The following LYPD1 variants were observed in gnomAD, a reference collection of about 807,000 sequenced individuals.
The protein encoded by LYPD1 is ly6/PLAUR domain-containing protein 1.
In LYPD1, 14 loss-of-function variants were observed where a neutral mutation model predicts 14.2. The ratio of observed to expected loss-of-function variants is 0.99; its 90% CI spans 0.65 to 1.54. LYPD1 has a LOEUF of 1.54. Ranked by LOEUF, LYPD1 falls within the 40% of genes most tolerant of loss-of-function variation. The pLI is 0.00. For synonymous variants in LYPD1, 85 were observed against 70.6 expected (o/e 1.20, Z -1.02); for missense variants, 165 against 175.7 (o/e 0.94, Z 0.34).
In LYPD1 at chr2:132,645,752, C is replaced by T. The variant is rs559125511; in HGVS notation, c.*293G>A. 10 of 1,137,606 alleles carry T rather than the reference C, an allele frequency of 8.8e-6. No individual in the cohort carries two copies. The highest frequency in any genetic ancestry group is 1.2e-5 in the Non-Finnish European group (10 of 821,542). The allele number at this position is 1,137,606 out of a possible 1,614,324, so 70.5% of individuals were successfully genotyped here. A position where few individuals can be genotyped will look rare whatever the true frequency, so the allele number is the denominator to read the frequency against. On this transcript the variant is annotated 3_prime_UTR_variant, in exon 3 of 3. Coordinates refer to ENST00000397463, the MANE Select transcript of LYPD1 (RefSeq NM_144586.7). ...AAAAGGCAGATGCCCACCTCAGTGA[C>T]TTCTAAGGACTGACTCTGCCAGCCT... is the stretch of plus-strand genomic sequence containing the variant.
At chr2:132,652,303 T>C (rs1020045367) in intron 2 of LYPD1, among the ~76,000 whole-genome samples, 1 of 151,922 alleles carries the variant, frequency 6.6e-6, no homozygotes, top group African/African-American at 2.4e-5. Flanking sequence ...AATGAATGAA[T>C]AAATGAAGGG....
chr2:132,663,897 T>G (rs1683113125), intron 2 of LYPD1, among the ~76,000 whole-genome samples: 1 of 152,166 alleles, frequency 6.6e-6, no homozygotes. Flanking sequence ...GCCTACAACA[T>G]AGCATGGATT....
chr2:132,646,978 A>AG (rs1682129770), intron 2 of LYPD1, among the ~76,000 whole-genome samples: 1 of 152,222 alleles, frequency 6.6e-6, no homozygotes, highest in Non-Finnish European at 1.5e-5. Flanking sequence ...CAAGAAGACT[A>AG]GGGGGCCTGT....
chr2:132,670,807 T>TG (rs1462663125), upstream of LYPD1, among the ~76,000 whole-genome samples: 1 of 151,960 alleles, frequency 6.6e-6, no homozygotes, highest in South Asian at 2.1e-4. This position sits in a 1 kb window ranked among gnomAD's most constrained non-coding sequence, Gnocchi z 4.5. Flanking sequence ...CCAATCTGGG[T>TG]GGGGGTGTGG....
intron 2 of LYPD1, among the ~76,000 whole-genome samples, chr2:132,656,457 G>A (rs956916912): frequency 6.6e-6 from 1 of 152,144 alleles, no homozygotes; most frequent in Non-Finnish European, 1.5e-5. Context: ...TAATTGGAAT[G>A]AACTACAAGC....
At chr2:132,652,612 C>T (rs1682399575) in intron 2 of LYPD1, among the ~76,000 whole-genome samples, 1 of 152,202 alleles carries the variant, frequency 6.6e-6, no homozygotes, top group African/African-American at 2.4e-5. Flanking sequence ...AGCCGCCCTA[C>T]CCTGCAGAGG....
At chr2:132,660,117 C>A (rs1296121082) in intron 2 of LYPD1, among the ~76,000 whole-genome samples, 1 of 152,230 alleles carries the variant, frequency 6.6e-6, no homozygotes, top group Non-Finnish European at 1.5e-5. Flanking sequence ...ACTGTGCTCA[C>A]AAAGAAGTCC....
At position 132,645,291 on chromosome 2, in the gene LYPD1, G is replaced by A; in HGVS notation, c.*754C>T. On this transcript the variant is annotated 3_prime_UTR_variant, in exon 3 of 3. Coordinates refer to ENST00000397463, the MANE Select transcript of LYPD1 (RefSeq NM_144586.7). Reference sequence around the variant, plus strand: ...CGCTCCTGTACACGGTGTCCTCGCAGCAGTTTCGGCGGGTGTTCGTGCAGG... The same window carrying A: ...CGCTCCTGTACACGGTGTCCTCGCAACAGTTTCGGCGGGTGTTCGTGCAGG... 1 of 1,614,198 alleles carries A rather than the reference G, an allele frequency of 6.2e-7. No individual in the cohort carries two copies.
At chr2:132,646,514 CAATACCTGTG>C (rs960934890) in intron 2 of LYPD1, 26 of 390,794 alleles carry the variant, frequency 6.7e-5, no homozygotes, top group Middle Eastern at 1.3e-3. Context: ...TTTGAGATGC[CAATACCTGTG>C]AATACCTGTT....
Position 132,645,053 on chromosome 2 carries a change from C to CT in LYPD1, c.*991dup, listed in dbSNP as rs767345408. 4 of 1,565,488 alleles carry CT rather than the reference C, an allele frequency of 2.6e-6. No individual in the cohort carries two copies. Among genetic ancestry groups the CT allele is most frequent in the Non-Finnish European group, 3.5e-6 (4 of 1,153,022 alleles). On this transcript the variant is annotated 3_prime_UTR_variant, in exon 3 of 3. Transcript: ENST00000397463. ...TTTATTCATTTACTGTGTTCTCATG[C>CT]TGTGTTTTTCTTTTCTCTGTCTCTC...
rs774089164 is a variant in LYPD1 at position 132,668,361 on chromosome 2, C to T, written c.190+39G>A. ...GCCCCCTCACTCCCACCCCACAGCC[C>T]AGGCTTAAGAGCGAGGGGGAGGGCT... On this transcript the variant is annotated intron_variant, in intron 2 of 2. Transcript: ENST00000397463. 1.6e-5 allele frequency: 25 copies of T among 1,574,818 alleles called. No individual in the cohort carries two copies. In the Admixed American group the frequency reaches 4.4e-4, roughly 28 times the overall value.
Position 132,669,730 on chromosome 2 carries a change from C to G in LYPD1, c.52+151G>C. On this transcript the variant is annotated intron_variant, in intron 1 of 2. Coordinates refer to ENST00000397463, the MANE Select transcript of LYPD1 (RefSeq NM_144586.7). The surrounding 1 kb of genome is among the most constrained non-coding windows in gnomAD (Gnocchi z 4.3). ...GGACTTGGACACTTTCCCAGCCTCG[C>G]GCCCCGGGGCACCAGTCGCGGCCGC... 2 of 1,425,872 alleles carry G rather than the reference C, an allele frequency of 1.4e-6. No homozygotes were observed. Among genetic ancestry groups the G allele is most frequent in the Non-Finnish European group, 1.8e-6 (2 of 1,088,682 alleles). 88.3% of individuals were successfully genotyped at this position (1,425,872 alleles called of 1,614,324 possible).
At chr2:132,662,655 A>AT (rs1027989290) in intron 2 of LYPD1, among the ~76,000 whole-genome samples, 9 of 152,162 alleles carry the variant, frequency 5.9e-5, no homozygotes, top group Non-Finnish European at 1.2e-4. Flanking sequence ...TAGATTCAGA[A>AT]TTTTTGTTTC....
intron 2 of LYPD1, among the ~76,000 whole-genome samples, chr2:132,652,300 G>T (rs1682389978): frequency 6.6e-6 from 1 of 152,152 alleles, no homozygotes; most frequent in African/African-American, 2.4e-5. Context: ...AGGAATGAAT[G>T]AATAAATGAA....
chr2:132,670,520 G>A (rs74937389), upstream of LYPD1, among the ~76,000 whole-genome samples: 4,023 of 152,218 alleles, frequency 0.026, 184 homozygotes, highest in African/African-American at 0.091. This position sits in a 1 kb window ranked among gnomAD's most constrained non-coding sequence, Gnocchi z 4.5. Flanking sequence ...CTGCGTGCCC[G>A]GCTGGCCCTT....
At chr2:132,652,272 G>A (rs1020310365) in intron 2 of LYPD1, among the ~76,000 whole-genome samples, 5 of 152,050 alleles carry the variant, frequency 3.3e-5, no homozygotes, top group African/African-American at 9.7e-5. Context: ...GGCACATAAC[G>A]ACACAAGTAT....
In LYPD1 at chr2:132,644,971, A is replaced by G. The variant is rs1681974381; in HGVS notation, c.*1074T>C. On this transcript the variant is annotated 3_prime_UTR_variant, in exon 3 of 3. Coordinates refer to ENST00000397463, the MANE Select transcript of LYPD1 (RefSeq NM_144586.7). Reference sequence around the variant, plus strand: ...AAGCTGTCAAGTCCAACACTGAAAAATTGGTACCATTTCCTGGCCAGTAAG... The same window carrying G: ...AAGCTGTCAAGTCCAACACTGAAAAGTTGGTACCATTTCCTGGCCAGTAAG... 3 of 1,048,088 alleles carry G rather than the reference A, an allele frequency of 2.9e-6. No individual in the cohort carries two copies. The East Asian group carries it at 7.8e-5, about 27-fold the overall frequency. 64.9% of individuals were successfully genotyped at this position (1,048,088 alleles called of 1,614,324 possible).
At position 132,644,899 on chromosome 2, in the gene LYPD1, C is replaced by T. The variant is rs755631699; in HGVS notation, c.*1146G>A. The T allele has an allele frequency of 7.1e-4, 426 of 596,954 alleles. 2 individuals carry two copies. Among genetic ancestry groups the T allele is most frequent in the Non-Finnish European group, 5.3e-4 (183 of 343,828 alleles). 37.0% of individuals were successfully genotyped at this position (596,954 alleles called of 1,614,324 possible). On this transcript the variant is annotated 3_prime_UTR_variant, in exon 3 of 3. Coordinates refer to ENST00000397463, the MANE Select transcript of LYPD1 (RefSeq NM_144586.7). The stretch of plus-strand genomic sequence containing the variant: ...GGTCTTTCTTTAACACAGCCAACTC[C>T]CCCGGGTTTGAAACAGTGTTAAATT...
At chr2:132,670,638 G>A (rs112775610), upstream of LYPD1, among the ~76,000 whole-genome samples, 19 of 152,120 alleles carry the variant, frequency 1.2e-4, no homozygotes, top group Admixed American at 3.9e-4. The surrounding 1 kb of genome is among the most constrained non-coding windows in gnomAD (Gnocchi z 4.5). Flanking sequence ...GTCCCGCTGC[G>A]GGCCGCGGGA....
Sources: gnomAD v4.1 joint callset for allele counts (sites outside exome capture counted in the v4.1 genomes callset) on GRCh38, gnomAD v4.1.1 for gene constraint, Gnocchi (gnomAD v3.1) non-coding constraint, MANE v1.5 for transcripts, NCBI Gene and HGNC (gene_info 2026-07-23, HGNC 2026-07-21) for gene names.